The following GRM7 variants were observed in gnomAD, a reference collection of about 807,000 sequenced individuals.
GRM7 encodes the protein metabotropic glutamate receptor 7.
GRM7 carries 35 observed loss-of-function variants against 84.5 expected under a neutral mutation model. The observed-to-expected ratio is 0.41, with a 90% CI of 0.32 to 0.55. The LOEUF is 0.55. Ranked by LOEUF, GRM7 falls within the 20% of genes least tolerant of loss-of-function variation. The pLI, the probability that GRM7 is intolerant of heterozygous loss-of-function variation, is 0.19. For missense variants in GRM7, 1,003 were observed against 1,194.6 expected (o/e 0.84, Z 2.36); for synonymous variants, 487 against 455.1 (o/e 1.07, Z -0.89).
intron 1 of GRM7, among the ~76,000 whole-genome samples, chr3:7,018,411 C>G (rs1413756356): frequency 6.6e-6 from 1 of 152,216 alleles, no homozygotes; most frequent in East Asian, 1.9e-4. Context: ...CCCCATGGAA[C>G]TTTCTAAGTG....
chr3:7,333,659 G>A (rs1270920978), intron 4 of GRM7, among the ~76,000 whole-genome samples: 1 of 151,810 alleles, frequency 6.6e-6, no homozygotes, highest in East Asian at 1.9e-4. Flanking sequence ...TGATTATTAA[G>A]CTACTCAAGG....
Position 7,155,924 on chromosome 3 carries a change from C to T in GRM7, c.736+9256C>T, listed in dbSNP as rs79359508. 2.1e-3 allele frequency among the ~76,000 whole-genome samples: 325 copies of T among 152,230 alleles called. 3 individuals are homozygous for T. The highest frequency in any genetic ancestry group is 7.4e-3 in the African/African-American group (307 of 41,544). The stretch of plus-strand genomic sequence containing the variant: ...TTCATATTGCTTGTTACTCTTTTGC[C>T]TAGATGACTTAAAAGCAAGCACTTA... On this transcript the variant is annotated intron_variant, in intron 2 of 9. Coordinates refer to ENST00000357716, the MANE Select transcript of GRM7 (RefSeq NM_000844.4).
At chr3:6,893,200 G>C in intron 1 of GRM7, among the ~76,000 whole-genome samples, 1 of 152,234 alleles carries the variant, frequency 6.6e-6, no homozygotes, top group East Asian at 1.9e-4. Flanking sequence ...AACAATGACT[G>C]GACACTGGAT....
At chr3:7,010,528 G>C (rs1430197442) in intron 1 of GRM7, among the ~76,000 whole-genome samples, 2 of 152,210 alleles carry the variant, frequency 1.3e-5, no homozygotes, top group African/African-American at 4.8e-5. Context: ...GCAAGTCCAA[G>C]GTGATCAGAC....
intron 4 of GRM7, among the ~76,000 whole-genome samples, chr3:7,324,945 G>A (rs1035360259): frequency 2.6e-5 from 4 of 152,132 alleles, no homozygotes; most frequent in Admixed American, 6.5e-5. Flanking sequence ...GCCAGGTCCT[G>A]CAGCTTTTCC....
chr3:6,881,931 G>GTC (rs1695528459), intron 1 of GRM7, among the ~76,000 whole-genome samples: 1 of 150,604 alleles, frequency 6.6e-6, no homozygotes, highest in Non-Finnish European at 1.5e-5. Flanking sequence ...TTGTGTGTGT[G>GTC]TGTGTGTGTG....
rs541592236 is a variant in GRM7 at position 7,566,315 on chromosome 3, C to T, written c.1516-12107C>T. ...GGACAGGTTTTGACCCATAGGCCAG[C>T]TTGTCAGCCCCTGGTACAGAATATG... is the stretch of plus-strand genomic sequence containing the variant. On this transcript the variant is annotated intron_variant, in intron 7 of 9. Coordinates refer to ENST00000357716, the MANE Select transcript of GRM7 (RefSeq NM_000844.4). Among the ~76,000 whole-genome samples, 16 of 152,198 alleles carry T rather than the reference C, an allele frequency of 1.1e-4. No homozygotes were observed. The South Asian group carries it at 2.1e-3, about 20-fold the overall frequency.
intron 8 of GRM7, chr3:7,608,030 A>C (rs954431652): frequency 5.6e-6 from 2 of 358,548 alleles, no homozygotes; most frequent in Non-Finnish European, 1.2e-5. Flanking sequence ...AACAGCCTCC[A>C]GCTCCATCTA....
rs187139779 is a variant in GRM7 at position 7,705,184 on chromosome 3, G to C, written c.2698+24889G>C. Among the ~76,000 whole-genome samples the C allele has an allele frequency of 2.8e-3, 431 of 152,226 alleles. 7 individuals carry two copies. Among genetic ancestry groups the C allele is most frequent in the Middle Eastern group, 0.021 (6 of 290 alleles). On this transcript the variant is annotated intron_variant, in intron 9 of 9. Coordinates refer to ENST00000357716, the MANE Select transcript of GRM7 (RefSeq NM_000844.4). ...TCCTACCCATGTCATCCTTGAATGT[G>C]AAGGCCTTTTTGAAAGAAACGTTCA... is the stretch of plus-strand genomic sequence containing the variant.
intron 2 of GRM7, among the ~76,000 whole-genome samples, chr3:7,152,001 T>C (rs1051322011): frequency 6.6e-6 from 1 of 152,058 alleles, no homozygotes; most frequent in African/African-American, 2.4e-5. Flanking sequence ...CCTAATGAGG[T>C]GTTTGGTGGT....
rs190839954 is a variant in GRM7 at position 7,693,283 on chromosome 3, G to A, written c.2698+12988G>A. ...GTAATCAAGTTTGGCATGGAAACAT[G>A]AGCAAAGGTAATTAAACTCAGAAGA... On this transcript the variant is annotated intron_variant, in intron 9 of 9. Transcript: ENST00000357716. 3.4e-3 allele frequency among the ~76,000 whole-genome samples: 512 copies of A among 152,206 alleles called. 4 individuals carry two copies. Among genetic ancestry groups the A allele is most frequent in the South Asian group, 4.8e-3 (23 of 4,810 alleles).
intron 2 of GRM7, among the ~76,000 whole-genome samples, chr3:7,227,193 A>C (rs543572364): frequency 6.6e-5 from 10 of 152,212 alleles, no homozygotes; most frequent in Non-Finnish European, 1.5e-4. Context: ...AGTAGATAGA[A>C]TTTCTTTTTG....
intron 4 of GRM7, chr3:7,403,106 G>A (rs111453352): frequency 3.5e-4 from 149 of 421,052 alleles, no homozygotes; most frequent in African/African-American, 2.3e-3. Context: ...AAAATAAAAC[G>A]TGAAGCTTCT....
At chr3:7,273,780 C>T (rs562945856) in intron 2 of GRM7, among the ~76,000 whole-genome samples, 1 of 151,594 alleles carries the variant, frequency 6.6e-6, no homozygotes, top group South Asian at 2.1e-4. Context: ...TGCTTGTGTA[C>T]AACATATAGT....
intron 8 of GRM7, among the ~76,000 whole-genome samples, chr3:7,595,191 C>A (rs138730425): frequency 1.3e-5 from 2 of 152,264 alleles, no homozygotes; most frequent in Non-Finnish European, 2.9e-5. Flanking sequence ...TTGGATAAAG[C>A]TACACATCAT....
chr3:7,074,609 A>AT (rs1202649599), intron 1 of GRM7, among the ~76,000 whole-genome samples: 4 of 152,260 alleles, frequency 2.6e-5, no homozygotes, highest in African/African-American at 9.6e-5. Flanking sequence ...AAGGGACTGT[A>AT]TTTTTTATGT....
At chr3:7,671,610 C>T (rs1397083123) in intron 8 of GRM7, among the ~76,000 whole-genome samples, 1 of 150,210 alleles carries the variant, frequency 6.7e-6, no homozygotes, top group Non-Finnish European at 1.5e-5. Flanking sequence ...CATCTAGTTG[C>T]CTCCATTATT....
intron 2 of GRM7, among the ~76,000 whole-genome samples, chr3:7,273,700 T>C (rs376621066): frequency 4.6e-5 from 7 of 152,074 alleles, no homozygotes; most frequent in African/African-American, 1.7e-4. Context: ...GTTAGTATGG[T>C]ATATCTTTCT....
In GRM7 at chr3:7,116,844, T is replaced by C. The variant is rs551425613; in HGVS notation, c.520-29608T>C. Among the ~76,000 whole-genome samples the C allele has an allele frequency of 1.2e-4, 19 of 152,278 alleles. No homozygotes were observed. In the South Asian group the frequency reaches 3.3e-3, roughly 27 times the overall value. Reference sequence around the variant, plus strand: ...TGTGTTTTGAGAAAGGGATCAGGCATTAAATGAGTTCTCTCTCAGTGTTCA... The same window carrying C: ...TGTGTTTTGAGAAAGGGATCAGGCACTAAATGAGTTCTCTCTCAGTGTTCA... On this transcript the variant is annotated intron_variant, in intron 1 of 9. Coordinates refer to ENST00000357716, the MANE Select transcript of GRM7 (RefSeq NM_000844.4).
Sources: allele counts gnomAD v4.1 joint callset (sites outside exome capture counted in the v4.1 genomes callset), GRCh38; gene constraint gnomAD v4.1.1; transcripts MANE v1.5; gene names NCBI Gene and HGNC (gene_info 2026-07-23, HGNC 2026-07-21).